CADPS2: variants seen among roughly 807,000 people sequenced by gnomAD.
CADPS2 encodes calcium-dependent secretion activator 2.
Under a neutral mutation model 172.5 loss-of-function variants are expected in CADPS2, and 93 were observed. That is an observed-to-expected ratio of 0.54 (90% CI 0.46 to 0.64). The LOEUF (loss-of-function observed/expected upper bound fraction) is 0.64. Ranked by LOEUF, CADPS2 falls within the 30% of genes least tolerant of loss-of-function variation. CADPS2 has a pLI of 0.00. For synonymous variants in CADPS2, 546 were observed against 555.2 expected (o/e 0.98, Z 0.23); for missense variants, 1,420 against 1,565.9 (o/e 0.91, Z 1.57).
chr7:122,413,845 T>C (rs569412745), intron 19 of CADPS2, among the ~76,000 whole-genome samples: 1 of 152,364 alleles, frequency 6.6e-6, no homozygotes, highest in Admixed American at 6.5e-5. Flanking sequence ...AGTCATGTTT[T>C]ACTTAGATGG....
At chr7:122,465,695 C>T (rs887978523) in intron 14 of CADPS2, among the ~76,000 whole-genome samples, 6 of 152,192 alleles carry the variant, frequency 3.9e-5, no homozygotes, top group East Asian at 1.9e-4. Flanking sequence ...TGAAACCGGT[C>T]GCTGGTGCCA....
chr7:122,826,046 T>G (rs915583816), intron 1 of CADPS2, among the ~76,000 whole-genome samples: 1 of 152,200 alleles, frequency 6.6e-6, no homozygotes, highest in African/African-American at 2.4e-5. Context: ...CATGGGGAGC[T>G]TAACTTCAGG....
intron 8 of CADPS2, among the ~76,000 whole-genome samples, chr7:122,527,908 GACAA>G (rs2061405969): frequency 6.6e-6 from 1 of 152,066 alleles, no homozygotes; most frequent in African/African-American, 2.4e-5. Context: ...GAGAGAGACA[GACAA>G]ACAGAGAAAG....
At chr7:122,775,129 C>T (rs1363022200) in intron 1 of CADPS2, among the ~76,000 whole-genome samples, 1 of 152,092 alleles carries the variant, frequency 6.6e-6, no homozygotes, top group Non-Finnish European at 1.5e-5. Flanking sequence ...TATATTCATT[C>T]TGGGTACACC....
At chr7:122,489,164 A>ATAAAGAAATAAAAAGT (rs1563486457) in intron 11 of CADPS2, among the ~76,000 whole-genome samples, 1 of 152,218 alleles carries the variant, frequency 6.6e-6, no homozygotes, top group African/African-American at 2.4e-5. Context: ...GGTTTCTAAA[A>ATAAAGAAATAAAAAGT]TAAAGAAATA....
intron 17 of CADPS2, among the ~76,000 whole-genome samples, chr7:122,431,914 T>A (rs1182757003): frequency 3.5e-5 from 3 of 86,416 alleles, no homozygotes; most frequent in Admixed American, 1.8e-4. Context: ...AAGCAAGACT[T>A]CATCGGGGGC....
At chr7:122,651,806 A>G (rs1340055911) in intron 3 of CADPS2, among the ~76,000 whole-genome samples, 2 of 152,210 alleles carry the variant, frequency 1.3e-5, no homozygotes, top group Admixed American at 6.5e-5. Context: ...TAGTTACTTA[A>G]TCATTTTAAG....
chr7:122,641,862 TA>T (rs758278861), intron 3 of CADPS2, among the ~76,000 whole-genome samples: 811 of 142,896 alleles, frequency 5.7e-3, no homozygotes, highest in Admixed American at 5.7e-3. Context: ...TATGTTACGT[TA>T]AAAAAAAAAA....
intron 8 of CADPS2, among the ~76,000 whole-genome samples, chr7:122,516,426 T>C (rs2130909955): frequency 6.6e-6 from 1 of 152,218 alleles, no homozygotes; most frequent in East Asian, 1.9e-4. Context: ...TCTTTGCTAC[T>C]TGGGAGGAGG....
chr7:122,698,961 C>G, intron 2 of CADPS2: 1 of 1,337,874 alleles, frequency 7.5e-7, no homozygotes, highest in Non-Finnish European at 1.0e-6. Flanking sequence ...CTAACAGTTG[C>G]ACATCTGTTG....
Position 122,438,360 on chromosome 7 carries a change from T to G in CADPS2, c.2457A>C (p.Thr819=), listed in dbSNP as rs2074589. The G allele has an allele frequency of 0.31, 500,229 of 1,612,472 alleles. 79,302 individuals carry two copies. The highest frequency in any genetic ancestry group is 0.4 in the East Asian group (17,980 of 44,802). Residue 819 remains threonine, a synonymous_variant, in exon 17 of 30, where the codon ACA becomes ACC. Transcript: ENST00000449022. The part of the protein sequence containing the change: ...KAALINYTRL[T]EYAKIEETMN... ...ACTGACCTTCTATTTTGGCATATTCTGTGAGTCTAGTGTAATTGATCAAGG... is the reference window on the plus strand; with the variant it reads ...ACTGACCTTCTATTTTGGCATATTCGGTGAGTCTAGTGTAATTGATCAAGG...
intron 3 of CADPS2, among the ~76,000 whole-genome samples, chr7:122,645,648 A>G (rs1164125008): frequency 2.6e-5 from 2 of 76,168 alleles, no homozygotes; most frequent in South Asian, 4.7e-4. Flanking sequence ...TAAGATACAT[A>G]TATCTCTAAG....
intron 6 of CADPS2, among the ~76,000 whole-genome samples, chr7:122,607,919 T>C (rs933035221): frequency 1.3e-5 from 2 of 152,142 alleles, no homozygotes; most frequent in East Asian, 3.9e-4. Flanking sequence ...CTTTGGTTCA[T>C]TAAAAATAGG....
At chr7:122,874,682 A>G (rs1161351435) in intron 1 of CADPS2, among the ~76,000 whole-genome samples, 1 of 152,214 alleles carries the variant, frequency 6.6e-6, no homozygotes, top group Non-Finnish European at 1.5e-5. Context: ...ACTGAAACAG[A>G]TATATAGACT....
intron 2 of CADPS2, among the ~76,000 whole-genome samples, chr7:122,728,277 A>T (rs2091303722): frequency 6.6e-6 from 1 of 151,962 alleles, no homozygotes; most frequent in African/African-American, 2.4e-5. Context: ...AGGTAATTAC[A>T]TAAAATTTTA....
intron 20 of CADPS2, among the ~76,000 whole-genome samples, chr7:122,397,173 G>A (rs10260132): frequency 6.6e-6 from 1 of 151,808 alleles, no homozygotes; most frequent in South Asian, 2.1e-4. Context: ...GATTTTCTCT[G>A]GTCAGTTATG....
intron 6 of CADPS2, among the ~76,000 whole-genome samples, chr7:122,597,518 T>G (rs1296403097): frequency 2.6e-5 from 4 of 152,048 alleles, no homozygotes; most frequent in South Asian, 2.1e-4. Flanking sequence ...CCTGTGTCAG[T>G]AGAGAATAAT....
chr7:122,856,389 C>G (rs1490148132), intron 1 of CADPS2, among the ~76,000 whole-genome samples: 1 of 152,184 alleles, frequency 6.6e-6, no homozygotes, highest in African/African-American at 2.4e-5. Flanking sequence ...TTGCTTGCTT[C>G]TCACTCTATT....
At chr7:122,799,558 C>T (rs1239558302) in intron 1 of CADPS2, among the ~76,000 whole-genome samples, 8 of 147,004 alleles carry the variant, frequency 5.4e-5, no homozygotes, top group Non-Finnish European at 1.2e-4. Flanking sequence ...AAGCAGAGAT[C>T]GCACCACTGC....
Sources: allele counts gnomAD v4.1 joint callset (sites outside exome capture counted in the v4.1 genomes callset), GRCh38; gene constraint gnomAD v4.1.1; transcripts MANE v1.5; gene names NCBI Gene and HGNC (gene_info 2026-07-23, HGNC 2026-07-21).